XXYLT1: variants seen among roughly 807,000 people sequenced by gnomAD.
The protein encoded by XXYLT1 is xyloside xylosyltransferase 1.
In XXYLT1, 20 loss-of-function variants were observed where a neutral mutation model predicts 28.9. The observed-to-expected ratio is 0.69, with a 90% CI of 0.49 to 1.00. The LOEUF is 1.00. Among genes scored for constraint, XXYLT1 ranks in the 50% least tolerant of loss-of-function variants. The probability of loss-of-function intolerance (pLI) is 0.00; values close to 1 mark genes in which losing one functional copy is unlikely to be tolerated. For synonymous variants in XXYLT1, 257 were observed against 253.8 expected (o/e 1.01, Z -0.12); for missense variants, 542 against 560.1 (o/e 0.97, Z 0.33).
At chr3:195,143,849 T>C (rs6148262) in intron 3 of XXYLT1, among the ~76,000 whole-genome samples, 2 of 72,554 alleles carry the variant, frequency 2.8e-5, no homozygotes, top group African/African-American at 8.5e-5. Flanking sequence ...TATAGATATA[T>C]ATATAGATAT....
rs542162700 is a variant in XXYLT1, at chr3:195,115,091, C to T, written c.785+41358G>A. Among the ~76,000 whole-genome samples, 6 of 152,316 alleles carry T rather than the reference C, an allele frequency of 3.9e-5. No individual in the cohort carries two copies. Among genetic ancestry groups the T allele is most frequent in the South Asian group, 4.1e-4 (2 of 4,828 alleles). ...TCCTCCTCCTATTGAGAGGTTGGAA[C>T]GAGGGAAACTAAGCTTCCCAGATGC... On this transcript the variant is annotated intron_variant, in intron 3 of 3. Transcript: ENST00000310380. The surrounding 1 kb of genome is among the most constrained non-coding windows in gnomAD (Gnocchi z 4.2).
At chr3:195,158,357 A>G (rs62285224) in intron 2 of XXYLT1, among the ~76,000 whole-genome samples, 21,608 of 152,184 alleles carry the variant, frequency 0.14, 1,916 homozygotes, top group East Asian at 0.41. Context: ...GAATGGGAAT[A>G]TGCTGGGAGG....
chr3:195,085,224 G>A (rs530980792), intron 3 of XXYLT1, among the ~76,000 whole-genome samples: 2 of 152,350 alleles, frequency 1.3e-5, no homozygotes, highest in East Asian at 1.9e-4. Flanking sequence ...AGAGGAGCAC[G>A]GGCTTTGGAG....
At chr3:195,171,450 A>T (rs1298309922) in intron 2 of XXYLT1, among the ~76,000 whole-genome samples, 1 of 152,228 alleles carries the variant, frequency 6.6e-6, no homozygotes, top group Non-Finnish European at 1.5e-5. Flanking sequence ...TGGATTAAGA[A>T]ATCTGACTTG....
intron 3 of XXYLT1, among the ~76,000 whole-genome samples, chr3:195,084,940 T>C (rs986313832): frequency 3.3e-5 from 5 of 152,158 alleles, no homozygotes; most frequent in African/African-American, 4.8e-5. Flanking sequence ...CTCCTGCCAG[T>C]TGCAGAAGCT....
chr3:195,156,075 T>TG (rs1720574116), intron 3 of XXYLT1, among the ~76,000 whole-genome samples: 1 of 152,198 alleles, frequency 6.6e-6, no homozygotes, highest in Non-Finnish European at 1.5e-5. Flanking sequence ...TAATAGAGAA[T>TG]GGGGGTCACT....
intron 2 of XXYLT1, among the ~76,000 whole-genome samples, chr3:195,156,834 C>T (rs1321079494): frequency 6.6e-6 from 1 of 152,154 alleles, no homozygotes; most frequent in Non-Finnish European, 1.5e-5. Flanking sequence ...AACTAGGCGA[C>T]CACACGCTCC....
chr3:195,153,392 C>T (rs1052295058), intron 3 of XXYLT1, among the ~76,000 whole-genome samples: 8 of 152,292 alleles, frequency 5.3e-5, no homozygotes, highest in African/African-American at 1.7e-4. Flanking sequence ...GCAGGCAGTG[C>T]AGGGCTGTCA....
intron 3 of XXYLT1, among the ~76,000 whole-genome samples, chr3:195,149,992 GT>G (rs1720104319): frequency 6.6e-6 from 1 of 152,162 alleles, no homozygotes; most frequent in Non-Finnish European, 1.5e-5. Context: ...TAGGAAAGGG[GT>G]TAAGATGCTG....
At chr3:195,121,979 A>C (rs1017437927) in intron 3 of XXYLT1, 8 of 699,594 alleles carry the variant, frequency 1.1e-5, no homozygotes, top group Admixed American at 8.0e-5. Flanking sequence ...ATTATAACAA[A>C]GTACCACAGA....
chr3:195,107,305 C>A (rs182349624), intron 3 of XXYLT1, among the ~76,000 whole-genome samples: 9 of 151,288 alleles, frequency 5.9e-5, no homozygotes, highest in Admixed American at 1.3e-4. Context: ...GAAACCTCGC[C>A]TCTACTAAAA....
At chr3:195,191,985 A>G (rs1052346132) in intron 2 of XXYLT1, among the ~76,000 whole-genome samples, 1 of 152,222 alleles carries the variant, frequency 6.6e-6, no homozygotes, top group African/African-American at 2.4e-5. Flanking sequence ...ACTCAATACA[A>G]TCAAGCAACT....
At chr3:195,235,936 A>AGACATAGACATG (rs1724521601) in intron 1 of XXYLT1, among the ~76,000 whole-genome samples, 2 of 149,490 alleles carry the variant, frequency 1.3e-5, no homozygotes, top group South Asian at 4.1e-4. Context: ...ACATAGACAT[A>AGACATAGACATG]GACATAGACA....
chr3:195,112,866 T>C (rs67885640), intron 3 of XXYLT1, among the ~76,000 whole-genome samples: 75,436 of 149,760 alleles, frequency 0.5, 20,084 homozygotes, highest in Middle Eastern at 0.64. Flanking sequence ...TGCACACACA[T>C]GCATGCACAC....
intron 3 of XXYLT1, among the ~76,000 whole-genome samples, chr3:195,071,365 G>A (rs1449778871): frequency 2.0e-5 from 3 of 152,222 alleles, no homozygotes; most frequent in Admixed American, 6.5e-5. Context: ...GAATAAAACC[G>A]GAGACCCTGC....
At position 195,176,538 on chromosome 3, in the gene XXYLT1, G is replaced by T. The variant is rs375461661; in HGVS notation, c.653-19957C>A. Among the ~76,000 whole-genome samples, 1 of 152,158 alleles carries T rather than the reference G, an allele frequency of 6.6e-6. No homozygotes were observed. Among genetic ancestry groups the T allele is most frequent in the Non-Finnish European group, 1.5e-5 (1 of 68,042 alleles). ...AATCTTGCTTGTGCGCCATCAGTAC[G>T]TTCCACCCCTCTGACACACTGGTAT... On this transcript the variant is annotated intron_variant, in intron 2 of 3. Coordinates refer to ENST00000310380, the MANE Select transcript of XXYLT1 (RefSeq NM_152531.5). This position sits in a 1 kb window ranked among gnomAD's most constrained non-coding sequence, Gnocchi z 4.9.
intron 3 of XXYLT1, among the ~76,000 whole-genome samples, chr3:195,112,646 C>A (rs943699678): frequency 8.0e-5 from 12 of 149,366 alleles, no homozygotes; most frequent in Non-Finnish European, 1.2e-4. Context: ...CATGCACACA[C>A]GCAGCTCCCA....
chr3:195,208,132 C>T (rs1460669750), intron 2 of XXYLT1, among the ~76,000 whole-genome samples: 1 of 152,176 alleles, frequency 6.6e-6, no homozygotes, highest in Non-Finnish European at 1.5e-5. Context: ...CAGGGATGAC[C>T]GGGGGCCGTG....
chr3:195,110,275 T>C (rs1560100631), intron 3 of XXYLT1, among the ~76,000 whole-genome samples: 7 of 92,070 alleles, frequency 7.6e-5, no homozygotes, highest in Admixed American at 2.5e-4. Flanking sequence ...GTGTGTGGTG[T>C]GTGTGGGGTG....
Sources: allele counts gnomAD v4.1 joint callset (sites outside exome capture counted in the v4.1 genomes callset), GRCh38; gene constraint gnomAD v4.1.1; non-coding constraint Gnocchi (gnomAD v3.1); transcripts MANE v1.5; gene names NCBI Gene and HGNC (gene_info 2026-07-23, HGNC 2026-07-21).